ETFA: variants seen among roughly 807,000 people sequenced by gnomAD.
ETFA encodes electron transfer flavoprotein subunit alpha.
Under a neutral mutation model 46.2 loss-of-function variants are expected in ETFA, and 22 were observed. The observed-to-expected ratio is 0.48, with a 90% CI of 0.34 to 0.68. ETFA has a LOEUF of 0.68. Among genes scored for constraint, ETFA ranks in the 30% least tolerant of loss-of-function variants. The pLI, the probability that ETFA is intolerant of heterozygous loss-of-function variation, is 0.01. For missense variants in ETFA, 345 were observed against 401.1 expected, an observed-to-expected ratio of 0.86 and a Z score of 1.19; for synonymous variants, 131 against 139.9, an observed-to-expected ratio of 0.94 and a Z score of 0.45.
chr15:76,227,613 C>T (rs1208523555), intron 10 of ETFA: 4 of 345,906 alleles, frequency 1.2e-5, no homozygotes, highest in Non-Finnish European at 2.3e-5. Context: ...ACAGATGCTT[C>T]TAACACCACT....
intron 9 of ETFA, among the ~76,000 whole-genome samples, chr15:76,265,309 T>C (rs1273029512): frequency 2.0e-5 from 3 of 152,228 alleles, no homozygotes; most frequent in African/African-American, 7.2e-5. Flanking sequence ...CTCGACTCCG[T>C]GGTCTGCCTC....
chr15:76,293,142 A>C (rs2039784614), intron 2 of ETFA, among the ~76,000 whole-genome samples: 3 of 152,244 alleles, frequency 2.0e-5, no homozygotes, highest in African/African-American at 7.2e-5. Context: ...ATCTCAAACA[A>C]ACAAAGAATT....
chr15:76,226,688 C>A (rs2039007895), intron 10 of ETFA, among the ~76,000 whole-genome samples: 1 of 152,136 alleles, frequency 6.6e-6, no homozygotes, highest in Non-Finnish European at 1.5e-5. Context: ...ACCATCCTGG[C>A]TAACACGGTG....
chr15:76,295,612 T>C lies in ETFA; in HGVS notation c.165A>G (p.Val55=), dbSNP rs2039810025. The C allele has an allele frequency of 6.2e-7, 1 of 1,613,898 alleles. No individual in the cohort carries two copies. The highest frequency in any genetic ancestry group is 8.5e-7 in the Non-Finnish European group (1 of 1,179,848). ...TCACCTTGTCACATTTGGTTCCAGC[T>C]ACTAAGCAGGACACTTCACCTCCAA... ...TRLGGEVSCL[V]AGTKCDKVAQ... Residue 55 remains valine (V), a synonymous_variant, in exon 2 of 12, where the codon GTA becomes GTG. Coordinates refer to ENST00000557943, the MANE Select transcript of ETFA (RefSeq NM_000126.4).
chr15:76,308,152 C>A (rs1194550567), intron 1 of ETFA, among the ~76,000 whole-genome samples: 2 of 152,052 alleles, frequency 1.3e-5, no homozygotes, highest in Non-Finnish European at 2.9e-5. Flanking sequence ...AATGTTCTTC[C>A]TTATAGTAGA....
At chr15:76,300,561 C>A (rs1465252766) in intron 1 of ETFA, among the ~76,000 whole-genome samples, 1 of 152,326 alleles carries the variant, frequency 6.6e-6, no homozygotes, top group Non-Finnish European at 1.5e-5. Flanking sequence ...CAGAGTCTCC[C>A]AACCCAGCTT....
rs775257101 is a variant in ETFA at position 76,287,906 on chromosome 15, G to A, written c.391C>T (p.Pro131Ser). ...PRVAAKLEVA[P>S]ISDIIAIKSP... Reference sequence around the variant, plus strand: ...TTGATTGCAATGATGTCAGAAATCGGGGCAACCTCAAGTTTGGCTGCTACT... The same window carrying A: ...TTGATTGCAATGATGTCAGAAATCGAGGCAACCTCAAGTTTGGCTGCTACT... The change falls in exon 5 of 12, where the codon CCG (proline) becomes TCG (serine). Residue 131 changes from proline to serine, a missense_variant. Transcript: ENST00000557943. 1.2e-6 allele frequency: 2 copies of A among 1,613,802 alleles called. No individual in the cohort carries two copies. Among genetic ancestry groups the A allele is most frequent in the Non-Finnish European group, 8.5e-7 (1 of 1,179,942 alleles).
At chr15:76,311,263 G>A in intron 1 of ETFA, 87 bp downstream of exon 1, 1 of 1,452,430 alleles carries the variant, frequency 6.9e-7, no homozygotes, top group Non-Finnish European at 9.4e-7. Flanking sequence ...TCGAATCTGA[G>A]GGGGCCAGTG....
intron 9 of ETFA, among the ~76,000 whole-genome samples, chr15:76,269,366 T>C (rs1463240779): frequency 6.6e-6 from 1 of 152,206 alleles, no homozygotes; most frequent in Admixed American, 6.5e-5. Flanking sequence ...ATGTCTAAAC[T>C]TGCTGGCTCC....
At chr15:76,253,955 A>C (rs1431474600) in intron 9 of ETFA, among the ~76,000 whole-genome samples, 1 of 152,226 alleles carries the variant, frequency 6.6e-6, no homozygotes, top group East Asian at 1.9e-4. Context: ...GAACAACTAC[A>C]AAATCTGGTT....
chr15:76,284,899 C>T (rs1313859483), intron 7 of ETFA: 1 of 397,742 alleles, frequency 2.5e-6, no homozygotes, highest in Non-Finnish European at 4.9e-6. Flanking sequence ...CATTGCACTC[C>T]AGCCTAGGCA....
chr15:76,283,261 A>C (rs1200986044), intron 8 of ETFA, among the ~76,000 whole-genome samples: 1 of 152,060 alleles, frequency 6.6e-6, no homozygotes, highest in Non-Finnish European at 1.5e-5. Flanking sequence ...GCACGACCAC[A>C]GTGCACTGTC....
At chr15:76,302,829 A>C (rs955117150) in intron 1 of ETFA, among the ~76,000 whole-genome samples, 2 of 152,156 alleles carry the variant, frequency 1.3e-5, no homozygotes, top group Non-Finnish European at 2.9e-5. Flanking sequence ...AACTGCTCTA[A>C]AACATAAAGT....
chr15:76,256,349 G>A (rs772768369), intron 9 of ETFA, among the ~76,000 whole-genome samples: 5 of 151,638 alleles, frequency 3.3e-5, no homozygotes, highest in Admixed American at 1.3e-4. Flanking sequence ...GACAAACTGT[G>A]AAGAATGTAG....
Position 76,216,466 on chromosome 15 carries a change from A to G in ETFA, c.*93T>C, listed in dbSNP as rs192522256. The stretch of plus-strand genomic sequence containing the variant: ...CTCAAATTATGAAATGTAGCTCTCC[A>G]TGCTTTCCAATGATTGTTATAATAC... On this transcript the variant is annotated 3_prime_UTR_variant, in exon 12 of 12. Transcript: ENST00000557943. 8 of 794,290 alleles carry G rather than the reference A, an allele frequency of 1.0e-5. No homozygotes were observed. The East Asian group carries it at 2.0e-4, about 20-fold the overall frequency. The allele number at this position is 794,290 out of a possible 1,614,324, so 49.2% of individuals were successfully genotyped here.
chr15:76,237,537 A>G (rs1258934786), intron 9 of ETFA, among the ~76,000 whole-genome samples: 1 of 152,196 alleles, frequency 6.6e-6, no homozygotes, highest in African/African-American at 2.4e-5. Flanking sequence ...CCACTTACCA[A>G]TCTGCATTCT....
At chr15:76,288,698 C>T (rs1364893127) in intron 4 of ETFA, among the ~76,000 whole-genome samples, 3 of 141,248 alleles carry the variant, frequency 2.1e-5, no homozygotes, top group East Asian at 4.1e-4. Context: ...GGTGACAGAG[C>T]GAGACTCTGC....
chr15:76,310,966 A>G (rs1163160668), intron 1 of ETFA, among the ~76,000 whole-genome samples: 2 of 151,982 alleles, frequency 1.3e-5, no homozygotes, highest in African/African-American at 4.8e-5. Flanking sequence ...ACTTTCCCCA[A>G]CAGGGCATTC....
intron 11 of ETFA, among the ~76,000 whole-genome samples, chr15:76,224,319 T>A (rs929456656): frequency 7.9e-5 from 12 of 152,268 alleles, no homozygotes; most frequent in Admixed American, 4.6e-4. Flanking sequence ...GAATCCCAAA[T>A]ACCAAATACA....
Sources: gnomAD v4.1 joint callset for allele counts (sites outside exome capture counted in the v4.1 genomes callset) on GRCh38, gnomAD v4.1.1 for gene constraint, MANE v1.5 for transcripts, NCBI Gene and HGNC (gene_info 2026-07-23, HGNC 2026-07-21) for gene names.